The following ACCSL variants were observed in gnomAD, a reference collection of about 807,000 sequenced individuals.
ACCSL encodes probable inactive 1-aminocyclopropane-1-carboxylate synthase-like protein 2.
A neutral mutation model predicts 61.7 loss-of-function variants in ACCSL; 55 were observed. That is an observed-to-expected ratio of 0.89 (90% CI 0.72 to 1.12). ACCSL has a LOEUF of 1.12. ACCSL is among the 50% of genes most tolerant of loss of function. The pLI is 0.00. For missense variants in ACCSL, 632 were observed against 698.0 expected (o/e 0.91, Z 1.07); for synonymous variants, 258 against 264.3 (o/e 0.98, Z 0.23).
At chr11:43,943,011 C>T in the ACCSL span, 1 of 1,506,818 alleles carries the variant, frequency 6.6e-7, no homozygotes, top group Non-Finnish European at 8.9e-7. The surrounding 1 kb of genome is among the most constrained non-coding windows in gnomAD (Gnocchi z 4.8). Flanking sequence ...GTGCGGCCCG[C>T]CAAGCTGCCC....
Position 44,059,805 on chromosome 11 carries a change from C to T in ACCSL, c.1625-33C>T, listed in dbSNP as rs372287316. On this transcript the variant is annotated intron_variant, in intron 13 of 13. Transcript: ENST00000378832. Reference sequence around the variant, plus strand: ...ACCCACCAGCAAACCTACTAAATCACTATTTCTCTCTGTCCCCATTTGAAC... The same window carrying T: ...ACCCACCAGCAAACCTACTAAATCATTATTTCTCTCTGTCCCCATTTGAAC... 28 of 1,599,568 alleles carry T rather than the reference C, an allele frequency of 1.8e-5. No individual in the cohort carries two copies. In the East Asian group the frequency reaches 4.3e-4, roughly 24 times the overall value.
chr11:43,960,585 A>G, the ACCSL span, among the ~76,000 whole-genome samples: 1 of 152,054 alleles, frequency 6.6e-6, no homozygotes, highest in Non-Finnish European at 1.5e-5. Context: ...AGGTTTCACC[A>G]TGTTGGCCAG....
At chr11:43,937,361 G>A in the ACCSL span, among the ~76,000 whole-genome samples, 1 of 152,230 alleles carries the variant, frequency 6.6e-6, no homozygotes, top group African/African-American at 2.4e-5. Flanking sequence ...GCAGCCGTCA[G>A]TAGGGTGGCT....
the ACCSL span, among the ~76,000 whole-genome samples, chr11:44,001,902 GCTT>G: frequency 7.3e-5 from 11 of 151,264 alleles, no homozygotes; most frequent in African/African-American, 2.4e-4. Flanking sequence ...GGCTCTGAGG[GCTT>G]CTTCTCTCTG....
the ACCSL span, among the ~76,000 whole-genome samples, chr11:43,966,425 C>CAAAAAA: frequency 3.9e-5 from 4 of 102,192 alleles, no homozygotes; most frequent in Non-Finnish European, 8.0e-5. Context: ...GACTCTGTCT[C>CAAAAAA]AAAAAAAAAA....
chr11:43,933,193 G>T, the ACCSL span: 2 of 456,084 alleles, frequency 4.4e-6, no homozygotes, highest in Non-Finnish European at 8.8e-6. Context: ...CTGGCTCATG[G>T]TTTGGTAGGA....
At chr11:44,008,156 TC>T in the ACCSL span, among the ~76,000 whole-genome samples, 1 of 152,074 alleles carries the variant, frequency 6.6e-6, no homozygotes, top group Non-Finnish European at 1.5e-5. Flanking sequence ...TAATTTTCAT[TC>T]CCCAGGATGA....
At chr11:43,997,776 G>A in the ACCSL span, among the ~76,000 whole-genome samples, 8 of 152,192 alleles carry the variant, frequency 5.3e-5, no homozygotes, top group African/African-American at 1.9e-4. Context: ...CCACATTAGA[G>A]GCTAGAATTA....
At chr11:43,987,429 C>T in the ACCSL span, among the ~76,000 whole-genome samples, 8 of 152,148 alleles carry the variant, frequency 5.3e-5, no homozygotes, top group East Asian at 9.6e-4. Flanking sequence ...GAAGGTGTGG[C>T]GGGGGACGGG....
the ACCSL span, among the ~76,000 whole-genome samples, chr11:44,025,196 A>G: frequency 6.6e-6 from 1 of 152,012 alleles, no homozygotes; most frequent in African/African-American, 2.4e-5. Context: ...TACACTTGCC[A>G]TTTTGTTATT....
chr11:43,956,072 T>G, the ACCSL span, among the ~76,000 whole-genome samples: 8 of 146,532 alleles, frequency 5.5e-5, no homozygotes, highest in African/African-American at 2.1e-4. Context: ...TGCAGCCACA[T>G]GATGAAAGAA....
At chr11:43,931,371 G>A in the ACCSL span, among the ~76,000 whole-genome samples, 1 of 152,192 alleles carries the variant, frequency 6.6e-6, no homozygotes, top group African/African-American at 2.4e-5. Flanking sequence ...AAAAATGGTT[G>A]GGATTTAGAG....
At chr11:44,017,336 T>G in the ACCSL span, among the ~76,000 whole-genome samples, 1 of 152,184 alleles carries the variant, frequency 6.6e-6, no homozygotes, top group Non-Finnish European at 1.5e-5. Flanking sequence ...CTGTGTAGGT[T>G]GTGCACTGCA....
At chr11:44,029,888 T>G in the ACCSL span, among the ~76,000 whole-genome samples, 1 of 151,292 alleles carries the variant, frequency 6.6e-6, no homozygotes, top group African/African-American at 2.4e-5. Flanking sequence ...GGATAACTTT[T>G]GTATAACATG....
the ACCSL span, among the ~76,000 whole-genome samples, chr11:44,042,194 T>G: frequency 6.6e-6 from 1 of 152,178 alleles, no homozygotes; most frequent in Admixed American, 6.5e-5. Flanking sequence ...AAGTATGGGG[T>G]TTTTCTTCTC....
At chr11:44,013,687 C>T in the ACCSL span, among the ~76,000 whole-genome samples, 3 of 152,128 alleles carry the variant, frequency 2.0e-5, no homozygotes, top group African/African-American at 7.2e-5. Context: ...TGAGCTGTTT[C>T]ATTTTATTTT....
the ACCSL span, among the ~76,000 whole-genome samples, chr11:43,922,744 A>G: frequency 6.6e-6 from 1 of 152,152 alleles, no homozygotes; most frequent in Non-Finnish European, 1.5e-5. Context: ...TTCTCACCTC[A>G]TTCTTACCTG....
the ACCSL span, among the ~76,000 whole-genome samples, chr11:43,986,120 T>A: frequency 2.0e-5 from 3 of 151,792 alleles, no homozygotes; most frequent in Non-Finnish European, 4.4e-5. Flanking sequence ...CCATTCCTCT[T>A]CCCCTTCTCT....
At chr11:43,930,678 C>G in the ACCSL span, among the ~76,000 whole-genome samples, 1 of 152,148 alleles carries the variant, frequency 6.6e-6, no homozygotes, top group Admixed American at 6.5e-5. Flanking sequence ...TACAGAACCT[C>G]TTTTCTGTAC....
Sources: allele counts gnomAD v4.1 joint callset (sites outside exome capture counted in the v4.1 genomes callset), GRCh38; gene constraint gnomAD v4.1.1; non-coding constraint Gnocchi (gnomAD v3.1); transcripts MANE v1.5; gene names NCBI Gene and HGNC (gene_info 2026-07-23, HGNC 2026-07-21).